The following FANCC variants were observed in gnomAD, a reference collection of about 807,000 sequenced individuals.
FANCC encodes FA complementation group C.
In FANCC, 55 loss-of-function variants were observed where a neutral mutation model predicts 71.3. That is an observed-to-expected ratio of 0.77 (90% confidence interval 0.62 to 0.97). The LOEUF (loss-of-function observed/expected upper bound fraction) is 0.97. FANCC is among the 50% of genes least tolerant of loss of function. The probability of loss-of-function intolerance (pLI) is 0.00; values close to 1 mark genes in which losing one functional copy is unlikely to be tolerated. For missense variants in FANCC, 678 were observed against 670.9 expected, an observed-to-expected ratio of 1.01 and a Z score of -0.12; for synonymous variants, 275 against 244.9, an observed-to-expected ratio of 1.12 and a Z score of -1.15.
At chr9:95,140,052 A>T (rs1325123178) in intron 7 of FANCC, among the ~76,000 whole-genome samples, 2 of 152,058 alleles carry the variant, frequency 1.3e-5, no homozygotes. Flanking sequence ...TCAAGAAAAC[A>T]GAGTAAGATA....
At chr9:95,217,234 C>G (rs1265043597) in intron 4 of FANCC, among the ~76,000 whole-genome samples, 1 of 152,046 alleles carries the variant, frequency 6.6e-6, no homozygotes, top group East Asian at 1.9e-4. Flanking sequence ...ACCTGTAATC[C>G]CAGCACTTTG....
Position 95,228,129 on chromosome 9 carries a change from C to T in FANCC, c.345+12520G>A, listed in dbSNP as rs1588314440. 3.9e-5 allele frequency among the ~76,000 whole-genome samples: 6 copies of T among 152,218 alleles called. 1 individual carries two copies. The highest frequency in any genetic ancestry group is 3.9e-4 in the Admixed American group (6 of 15,292). ...AAGACCTTTCCATCCCCAACACCTG[C>T]TTGTACACAGTAGGCACTCAGGATA... On this transcript the variant is annotated intron_variant, in intron 4 of 14. Coordinates refer to ENST00000289081, the MANE Select transcript of FANCC (RefSeq NM_000136.3).
At position 95,292,426 on chromosome 9, in the gene FANCC, C is replaced by T. The variant is rs1160485644; in HGVS notation, c.-79+25100G>A. The T allele has an allele frequency of 1.6e-5, 18 of 1,108,498 alleles. No homozygotes were observed. The South Asian group carries it at 5.5e-4, about 34-fold the overall frequency. 68.7% of individuals were successfully genotyped at this position (1,108,498 alleles called of 1,614,324 possible). ...GTCCCGGCGGCCACGAGAGGAGCCT[C>T]CGCCGCCGCCTCGGGCCCGTGGGTG... is the stretch of plus-strand genomic sequence containing the variant. On this transcript the variant is annotated intron_variant, in intron 1 of 14. Transcript: ENST00000289081.
At chr9:95,158,111 GCCTA>G (rs1830548194) in intron 6 of FANCC, among the ~76,000 whole-genome samples, 1 of 152,032 alleles carries the variant, frequency 6.6e-6, no homozygotes, top group African/African-American at 2.4e-5. Flanking sequence ...CAACTCTCCG[GCCTA>G]CCTTTCAATT....
chr9:95,231,095 A>G (rs981231327), intron 4 of FANCC, among the ~76,000 whole-genome samples: 20 of 151,836 alleles, frequency 1.3e-4, no homozygotes, highest in Non-Finnish European at 2.8e-4. Flanking sequence ...TTGTAACTTC[A>G]CTCCATTTTA....
intron 4 of FANCC, among the ~76,000 whole-genome samples, chr9:95,226,545 C>T (rs538320952): frequency 6.7e-4 from 102 of 152,324 alleles, no homozygotes; most frequent in Non-Finnish European, 1.3e-3. Flanking sequence ...TGCTGGGATG[C>T]GCTGTCTCCT....
At position 95,227,275 on chromosome 9, in the gene FANCC, G is replaced by A. The variant is rs1035702504; in HGVS notation, c.345+13374C>T. On this transcript the variant is annotated intron_variant, in intron 4 of 14. Transcript: ENST00000289081. ...CTTGCCTTGCCTGCAGAAAGGATGC[G>A]TCCTGGCCTACTGCTGCACCATACT... Among the ~76,000 whole-genome samples, 22 of 152,192 alleles carry A rather than the reference G, an allele frequency of 1.4e-4. 1 individual carries two copies. Among genetic ancestry groups the A allele is most frequent in the Admixed American group, 1.0e-3 (16 of 15,292 alleles).
chr9:95,266,239 C>A (rs186772515), intron 1 of FANCC, among the ~76,000 whole-genome samples: 2 of 152,284 alleles, frequency 1.3e-5, no homozygotes, highest in African/African-American at 2.4e-5. Flanking sequence ...AACTCTTACA[C>A]AACCACAATA....
chr9:95,215,717 A>G (rs1412066707), intron 4 of FANCC, among the ~76,000 whole-genome samples: 2 of 152,232 alleles, frequency 1.3e-5, no homozygotes, highest in Non-Finnish European at 2.9e-5. Flanking sequence ...AAGAAGCCCC[A>G]CGTAGAGGCC....
chr9:95,278,083 T>G (rs1031209157), intron 1 of FANCC, among the ~76,000 whole-genome samples: 1 of 152,224 alleles, frequency 6.6e-6, no homozygotes, highest in Non-Finnish European at 1.5e-5. Context: ...GAATAAGATA[T>G]GTAAATATAT....
intron 1 of FANCC, among the ~76,000 whole-genome samples, chr9:95,287,033 A>G (rs1454906271): frequency 2.0e-5 from 3 of 152,100 alleles, no homozygotes; most frequent in African/African-American, 7.2e-5. Context: ...TATAGCAGCT[A>G]TCACTTACAT....
At chr9:95,226,426 G>A (rs1695487467) in intron 4 of FANCC, among the ~76,000 whole-genome samples, 1 of 152,234 alleles carries the variant, frequency 6.6e-6, no homozygotes, top group African/African-American at 2.4e-5. Context: ...AAAAGGCAGT[G>A]AGGAAGGCAG....
At chr9:95,186,265 C>G (rs1281347424) in intron 4 of FANCC, among the ~76,000 whole-genome samples, 1 of 152,166 alleles carries the variant, frequency 6.6e-6, no homozygotes, top group African/African-American at 2.4e-5. Flanking sequence ...AGGTTTAAAC[C>G]GATCACATTT....
intron 10 of FANCC, among the ~76,000 whole-genome samples, chr9:95,118,937 A>G (rs2072650725): frequency 6.6e-6 from 1 of 152,228 alleles, no homozygotes; most frequent in African/African-American, 2.4e-5. Flanking sequence ...TGCCATCGGA[A>G]TGGAACTGCT....
intron 6 of FANCC, among the ~76,000 whole-genome samples, chr9:95,162,709 T>C (rs980093801): frequency 1.3e-5 from 2 of 152,206 alleles, no homozygotes; most frequent in African/African-American, 4.8e-5. Flanking sequence ...CCCTGATAAC[T>C]GGTGATGTTG....
At chr9:95,246,380 A>G (rs1830980740) in intron 3 of FANCC, among the ~76,000 whole-genome samples, 1 of 152,218 alleles carries the variant, frequency 6.6e-6, no homozygotes, top group African/African-American at 2.4e-5. Flanking sequence ...TCCAATAATG[A>G]TTATGACAAC....
chr9:95,269,586 C>A (rs1369325605), intron 1 of FANCC, among the ~76,000 whole-genome samples: 1 of 152,184 alleles, frequency 6.6e-6, no homozygotes, highest in Non-Finnish European at 1.5e-5. Flanking sequence ...ATATAGAATA[C>A]AACTGAAGGC....
At chr9:95,277,620 A>G (rs898608823) in intron 1 of FANCC, among the ~76,000 whole-genome samples, 7 of 152,232 alleles carry the variant, frequency 4.6e-5, no homozygotes, top group African/African-American at 1.7e-4. Context: ...AAAACACTGT[A>G]GTGAAAATGC....
At chr9:95,219,860 C>A (rs1343964090) in intron 4 of FANCC, among the ~76,000 whole-genome samples, 2 of 152,142 alleles carry the variant, frequency 1.3e-5, no homozygotes, top group Non-Finnish European at 1.5e-5. Flanking sequence ...CCAAAATAGA[C>A]AAATGGGATC....
Sources: allele counts gnomAD v4.1 joint callset (sites outside exome capture counted in the v4.1 genomes callset), GRCh38; gene constraint gnomAD v4.1.1; transcripts MANE v1.5; gene names NCBI Gene and HGNC (gene_info 2026-07-23, HGNC 2026-07-21).